The following CABLES2 variants were observed in gnomAD, a reference collection of about 807,000 sequenced individuals.
CABLES2 encodes the protein Cdk5 and Abl enzyme substrate 2, also known as CDK5 and ABL1 enzyme substrate 2.
A neutral mutation model predicts 44.8 loss-of-function variants in CABLES2; 35 were observed. That is an observed-to-expected ratio of 0.78 (90% CI 0.60 to 1.04). The LOEUF (loss-of-function observed/expected upper bound fraction) is 1.04. Ranked by LOEUF, CABLES2 falls within the 50% of genes least tolerant of loss-of-function variation. The probability of loss-of-function intolerance (pLI) is 0.00; values close to 1 mark genes in which losing one functional copy is unlikely to be tolerated. For missense variants in CABLES2, 566 were observed against 615.7 expected (o/e 0.92, Z 0.85); for synonymous variants, 282 against 281.1 (o/e 1.00, Z -0.03).
intron 1 of CABLES2, among the ~76,000 whole-genome samples, chr20:62,398,121 G>GTGGTGATGGCAGTGGTGGTGA (rs1555890790): frequency 1.2e-5 from 1 of 82,418 alleles, no homozygotes; most frequent in Non-Finnish European, 2.3e-5. Context: ...GGTGGTGGTG[G>GTGGTGATGGCAGTGGTGGTGA]TGGTTATGAC....
At position 62,397,923 on chromosome 20, in the gene CABLES2, A is replaced by ATGGTGGTGG. The variant is rs942819884; in HGVS notation, c.363-1340_363-1332dup. On this transcript the variant is annotated intron_variant, in intron 1 of 9. Coordinates refer to ENST00000279101, the MANE Select transcript of CABLES2 (RefSeq NM_031215.3). The stretch of plus-strand genomic sequence containing the variant: ...GGTGGTGATGGTGATGGCAGTGGTG[A>ATGGTGGTGG]TGGTGGTGGTGGTGATGGTGGTGAC... Among the ~76,000 whole-genome samples, 6 of 85,822 alleles carry ATGGTGGTGG rather than the reference A, an allele frequency of 7.0e-5. No homozygotes were observed. The East Asian group carries it at 1.2e-3, about 16-fold the overall frequency. The allele number at this position is 85,822 out of a possible 152,430, so 56.3% of individuals were successfully genotyped here. A position where few individuals can be genotyped will look rare whatever the true frequency, so the allele number is the denominator to read the frequency against.
chr20:62,406,497 G>A (rs1401902784), intron 1 of CABLES2, among the ~76,000 whole-genome samples: 1 of 152,060 alleles, frequency 6.6e-6, no homozygotes, highest in East Asian at 1.9e-4. Flanking sequence ...CGTATTCAGG[G>A]GCTGGGAGAA....
intron 1 of CABLES2, among the ~76,000 whole-genome samples, chr20:62,401,961 CCCCACAT>C (rs1988196753): frequency 6.6e-6 from 1 of 152,272 alleles, no homozygotes. Context: ...ACGCCCCACA[CCCCACAT>C]GCTGGGGCAA....
rs1482006427 is a variant in CABLES2 at position 62,391,050 on chromosome 20, A to G, written c.1358T>C (p.Leu453Pro). 8.7e-6 allele frequency: 14 copies of G among 1,614,142 alleles called. No individual in the cohort carries two copies. The highest frequency in any genetic ancestry group is 1.2e-5 in the Non-Finnish European group (14 of 1,180,024). ...RDLIGFEFTVLVALELALYLP... is the reference protein window; with the variant it reads ...RDLIGFEFTVPVALELALYLP... ...ATACAGGGCCAGCTCCAAGGCCACG[A>G]GCACTGTGAACTCAAACCCTATCAG... is the stretch of plus-strand genomic sequence containing the variant. Residue 453 changes from leucine to proline, a missense_variant, in exon 10 of 10, where the codon CTC (leucine) becomes CCC (proline). This residue lies in a region of CABLES2 where 436 missense variants were observed against 536.3 expected (regional missense o/e 0.81). Transcript: ENST00000279101. The surrounding 1 kb of genome is among the most constrained non-coding windows in gnomAD (Gnocchi z 5.7).
Position 62,391,028 on chromosome 20 carries a change from C to G in CABLES2, c.1380G>C (p.Leu460=). The change falls in exon 10 of 10, where the codon CTG becomes CTC. Residue 460 remains leucine, a synonymous_variant. Coordinates refer to ENST00000279101, the MANE Select transcript of CABLES2 (RefSeq NM_031215.3). The surrounding 1 kb of genome is among the most constrained non-coding windows in gnomAD (Gnocchi z 5.7). ...FTVLVALELA[L]YLPENQVLPH... is the part of the protein sequence containing the mutation. Reference sequence around the variant, plus strand: ...GTAACACTTGGTTCTCGGGAAGATACAGGGCCAGCTCCAAGGCCACGAGCA... The same window carrying G: ...GTAACACTTGGTTCTCGGGAAGATAGAGGGCCAGCTCCAAGGCCACGAGCA... 2 of 1,614,138 alleles carry G rather than the reference C, an allele frequency of 1.2e-6. No homozygotes were observed. Among genetic ancestry groups the G allele is most frequent in the Non-Finnish European group, 1.7e-6 (2 of 1,180,030 alleles).
intron 1 of CABLES2, among the ~76,000 whole-genome samples, chr20:62,401,969 G>T (rs2037311271): frequency 6.6e-6 from 1 of 152,244 alleles, no homozygotes; most frequent in African/African-American, 2.4e-5. Flanking sequence ...CACCCCACAT[G>T]CTGGGGCAAA....
rs1987868362 is a variant in CABLES2, at chr20:62,389,385, C to G, written c.*1586G>C. The G allele has an allele frequency of 6.6e-6, 1 of 152,304 alleles. No individual in the cohort carries two copies. Among genetic ancestry groups the G allele is most frequent in the African/African-American group, 2.4e-5 (1 of 41,434 alleles). 9.4% of individuals were successfully genotyped at this position (152,304 alleles called of 1,614,324 possible). ...CTCATCCTCCAGTCTGTCCCACACA[C>G]CTGCCATCTCTGGGTTTTGGTGGCC... On this transcript the variant is annotated 3_prime_UTR_variant, in exon 10 of 10. Coordinates refer to ENST00000279101, the MANE Select transcript of CABLES2 (RefSeq NM_031215.3).
chr20:62,406,514 G>A (rs962252064), intron 1 of CABLES2, among the ~76,000 whole-genome samples: 2 of 152,056 alleles, frequency 1.3e-5, no homozygotes, highest in Non-Finnish European at 2.9e-5. Flanking sequence ...AGAATTCAGG[G>A]GACAATGAAC....
intron 1 of CABLES2, among the ~76,000 whole-genome samples, chr20:62,398,109 GTGGTGGTGGTGGTGGTTATGA>G (rs1988091670): frequency 1.9e-5 from 2 of 104,840 alleles, no homozygotes; most frequent in African/African-American, 3.3e-5. Context: ...GGTGGTGATG[GTGGTGGTGGTGGTGGTTATGA>G]CGGTGGTGAT....
chr20:62,395,186 G>A (rs1410034922), intron 3 of CABLES2, among the ~76,000 whole-genome samples, 172 bp from the exon 4 acceptor site: 2 of 152,242 alleles, frequency 1.3e-5, no homozygotes, highest in East Asian at 1.9e-4. Context: ...GGTGGCCACC[G>A]TCACTAAGCC....
At chr20:62,399,078 CT>C (rs1489969466) in intron 1 of CABLES2, among the ~76,000 whole-genome samples, 4 of 152,176 alleles carry the variant, frequency 2.6e-5, no homozygotes, top group African/African-American at 9.7e-5. Context: ...TCCTAAGTAG[CT>C]GGAATTGCAG....
At chr20:62,398,136 GTGA>G (rs1308292884) in intron 1 of CABLES2, among the ~76,000 whole-genome samples, 18 of 128,790 alleles carry the variant, frequency 1.4e-4, no homozygotes, top group East Asian at 6.6e-4. Flanking sequence ...TATGACGGTG[GTGA>G]TGGTGGTGGT....
intron 1 of CABLES2, among the ~76,000 whole-genome samples, chr20:62,398,458 A>T (rs1988127187): frequency 6.6e-6 from 1 of 152,092 alleles, no homozygotes; most frequent in Admixed American, 6.5e-5. Context: ...GGGCATTCTC[A>T]GCGTGTCAAC....
At chr20:62,398,205 A>ATGTGATGG (rs1569017882) in intron 1 of CABLES2, among the ~76,000 whole-genome samples, 1 of 86,168 alleles carries the variant, frequency 1.2e-5, no homozygotes, top group Non-Finnish European at 2.2e-5. Context: ...GATGGTGGTG[A>ATGTGATGG]TGGTGATGTG....
rs1042730309 is a variant in CABLES2, at chr20:62,396,452, T to A, written c.435-45A>T. The A allele has an allele frequency of 6.2e-7, 1 of 1,612,000 alleles. No homozygotes were observed. Among genetic ancestry groups the A allele is most frequent in the Non-Finnish European group, 8.5e-7 (1 of 1,178,294 alleles). ...GGTCACTCTTTTCCTCCCAGGACCC[T>A]CTGGCCCCGCAGGGGTCAGTGGCAG... On this transcript the variant is annotated intron_variant, in intron 2 of 9. Coordinates refer to ENST00000279101, the MANE Select transcript of CABLES2 (RefSeq NM_031215.3). The surrounding 1 kb of genome is among the most constrained non-coding windows in gnomAD (Gnocchi z 5.7).
At chr20:62,397,923 A>ATGGTGG (rs942819884) in intron 1 of CABLES2, among the ~76,000 whole-genome samples, 1 of 85,734 alleles carries the variant, frequency 1.2e-5, no homozygotes, top group African/African-American at 5.5e-5. Context: ...GGCAGTGGTG[A>ATGGTGG]TGGTGGTGGT....
chr20:62,398,560 C>T (rs368913094), intron 1 of CABLES2, among the ~76,000 whole-genome samples: 2 of 152,220 alleles, frequency 1.3e-5, no homozygotes, highest in South Asian at 2.1e-4. Flanking sequence ...CTCCAGGCTC[C>T]AGGCCAGCGC....
intron 3 of CABLES2, among the ~76,000 whole-genome samples, chr20:62,395,597 G>C (rs1218956137): frequency 6.6e-6 from 1 of 152,218 alleles, no homozygotes; most frequent in Non-Finnish European, 1.5e-5. Flanking sequence ...GCTCTGCCCT[G>C]CCTGGGCCCA....
intron 4 of CABLES2, 74 bp downstream of exon 4, chr20:62,394,863 T>TG: frequency 7.1e-7 from 1 of 1,415,726 alleles, no homozygotes; most frequent in Non-Finnish European, 9.8e-7. Context: ...TGATGCCTCC[T>TG]GGGCCTGGCC....
Sources: allele counts gnomAD v4.1 joint callset (sites outside exome capture counted in the v4.1 genomes callset), GRCh38; gene constraint gnomAD v4.1.1; regional missense constraint gnomAD v4.1.1; non-coding constraint Gnocchi (gnomAD v3.1); transcripts MANE v1.5; gene names NCBI Gene and HGNC (gene_info 2026-07-23, HGNC 2026-07-21).